Variants in ATXN8OS observed in about 807,000 individuals in gnomAD.
The protein encoded by ATXN8OS is ATXN8 opposite strand (non-protein coding).
At chr13:70,137,065 A>G (rs1188577459) in intron 3 of ATXN8OS, among the ~76,000 whole-genome samples, 5 of 152,202 alleles carry the variant, frequency 3.3e-5, no homozygotes, top group Non-Finnish European at 7.3e-5. Context: ...TTCCTTGAAG[A>G]TCAACAATTT....
At chr13:70,152,199 C>G (rs961253764) in intron 4 of ATXN8OS, among the ~76,000 whole-genome samples, 2 of 152,000 alleles carry the variant, frequency 1.3e-5, no homozygotes, top group Admixed American at 6.6e-5. Context: ...TTTCTTTCCA[C>G]CTGGCCAATT....
chr13:70,167,537 C>T (rs1889091100), intron 4 of ATXN8OS, among the ~76,000 whole-genome samples: 1 of 151,802 alleles, frequency 6.6e-6, no homozygotes, highest in Non-Finnish European at 1.5e-5. Flanking sequence ...GGAAGGATAG[C>T]ATTAGGAGAT....
At chr13:70,110,039 A>T (rs1033350750) in intron 1 of ATXN8OS, among the ~76,000 whole-genome samples, 1 of 152,168 alleles carries the variant, frequency 6.6e-6, no homozygotes, top group Admixed American at 6.5e-5. Flanking sequence ...TTAATTTTGC[A>T]GTTCCTTTTT....
intron 3 of ATXN8OS, among the ~76,000 whole-genome samples, chr13:70,138,384 T>A (rs971315533): frequency 3.1e-4 from 15 of 48,320 alleles, no homozygotes; most frequent in Admixed American, 2.6e-3. Context: ...TAAATGTTAA[T>A]TTTTTATCAA....
In ATXN8OS at chr13:70,124,139, A is replaced by AT. The variant is rs1373848509; in HGVS notation, n.399-5639dup. Among the ~76,000 whole-genome samples the AT allele has an allele frequency of 2.6e-5, 4 of 152,162 alleles. No individual in the cohort carries two copies. In the East Asian group the frequency reaches 7.7e-4, roughly 29 times the overall value. On this transcript the variant is annotated intron_variant and non_coding_transcript_variant, in intron 2 of 4. Transcript: ENST00000678624. ...TATAAAGAACATACAGTCCTGTATT[A>AT]TTTTTTGCCTTTGTGTATTAGCAAG...
At chr13:70,145,438 G>A (rs1222781129) in intron 3 of ATXN8OS, among the ~76,000 whole-genome samples, 2 of 151,622 alleles carry the variant, frequency 1.3e-5, no homozygotes, top group African/African-American at 2.4e-5. Context: ...AAATTACCTT[G>A]GGCAGTATGG....
intron 4 of ATXN8OS, among the ~76,000 whole-genome samples, chr13:70,157,088 G>C (rs536890637): frequency 6.6e-6 from 1 of 151,970 alleles, no homozygotes; most frequent in Non-Finnish European, 1.5e-5. Context: ...AATGCAATCT[G>C]ATGAATTGTT....
At chr13:70,112,395 T>C (rs1888208924) in intron 1 of ATXN8OS, among the ~76,000 whole-genome samples, 1 of 152,096 alleles carries the variant, frequency 6.6e-6, no homozygotes, top group Non-Finnish European at 1.5e-5. Context: ...TAAATAAAAA[T>C]TGTTTTGCAG....
intron 4 of ATXN8OS, among the ~76,000 whole-genome samples, chr13:70,150,094 C>T (rs1208206998): frequency 5.9e-5 from 9 of 152,040 alleles, no homozygotes; most frequent in Non-Finnish European, 7.4e-5. Flanking sequence ...AAAAGGGACA[C>T]TTTCTGCAGT....
chr13:70,143,209 A>G (rs1224381705), intron 3 of ATXN8OS, among the ~76,000 whole-genome samples: 5 of 152,234 alleles, frequency 3.3e-5, no homozygotes, highest in South Asian at 2.1e-4. Flanking sequence ...ATTAGATTCT[A>G]TTTTTCTATT....
intron 4 of ATXN8OS, among the ~76,000 whole-genome samples, chr13:70,168,241 A>G: frequency 6.6e-6 from 1 of 152,040 alleles, no homozygotes; most frequent in South Asian, 2.1e-4. Context: ...TTGACTCTTA[A>G]TGTTTCTACA....
At chr13:70,128,743 G>A (rs373302243) in intron 2 of ATXN8OS, among the ~76,000 whole-genome samples, 6 of 151,642 alleles carry the variant, frequency 4.0e-5, no homozygotes, top group South Asian at 2.1e-4. Flanking sequence ...ATTCTTCCCC[G>A]CAGTGTCCTG....
At chr13:70,142,210 G>T (rs1888727638) in intron 3 of ATXN8OS, among the ~76,000 whole-genome samples, 1 of 152,160 alleles carries the variant, frequency 6.6e-6, no homozygotes, top group African/African-American at 2.4e-5. Flanking sequence ...CAGAATATGG[G>T]TATTTGTGTG....
At chr13:70,141,860 ATATATG>A (rs1206473399) in intron 3 of ATXN8OS, among the ~76,000 whole-genome samples, 1 of 152,030 alleles carries the variant, frequency 6.6e-6, no homozygotes, top group African/African-American at 2.4e-5. Flanking sequence ...ATACATACAT[ATATATG>A]TATATGTATA....
intron 1 of ATXN8OS, among the ~76,000 whole-genome samples, chr13:70,108,721 C>A (rs138052734): frequency 6.6e-6 from 1 of 152,326 alleles, no homozygotes; most frequent in East Asian, 1.9e-4. Flanking sequence ...TGAATCATGG[C>A]AGTGTAAACT....
chr13:70,110,848 G>T (rs557004786), intron 1 of ATXN8OS, among the ~76,000 whole-genome samples: 1 of 152,150 alleles, frequency 6.6e-6, no homozygotes, highest in African/African-American at 2.4e-5. Flanking sequence ...CCAGCCATAA[G>T]TAATAATTGA....
At chr13:70,121,211 C>T (rs996674897) in intron 2 of ATXN8OS, among the ~76,000 whole-genome samples, 3 of 151,798 alleles carry the variant, frequency 2.0e-5, no homozygotes, top group African/African-American at 7.3e-5. Flanking sequence ...AGGAAATGAT[C>T]AACATAAGAG....
chr13:70,155,225 T>A (rs73522626), intron 4 of ATXN8OS, among the ~76,000 whole-genome samples: 5 of 152,180 alleles, frequency 3.3e-5, no homozygotes, highest in Admixed American at 2.0e-4. Flanking sequence ...AATCATAGTT[T>A]CCTTGATACA....
intron 4 of ATXN8OS, among the ~76,000 whole-genome samples, chr13:70,151,416 G>A (rs757826005): frequency 3.3e-5 from 5 of 151,880 alleles, no homozygotes; most frequent in African/African-American, 9.7e-5. Context: ...CTTATTTCAC[G>A]CAACATAATA....
Sources: allele counts gnomAD v4.1 joint callset (sites outside exome capture counted in the v4.1 genomes callset), GRCh38; gene constraint gnomAD v4.1.1; transcripts MANE v1.5; gene names NCBI Gene and HGNC (gene_info 2026-07-23, HGNC 2026-07-21).